ACSL1: variants seen among roughly 807,000 people sequenced by gnomAD.
ACSL1 encodes the protein acyl-CoA synthetase long chain family member 1.
ACSL1 carries 41 observed loss-of-function variants against 98.4 expected under a neutral mutation model. The observed-to-expected ratio is 0.42, with a 90% CI of 0.32 to 0.54. The LOEUF (loss-of-function observed/expected upper bound fraction) is 0.54. Ranked by LOEUF, ACSL1 falls within the 20% of genes least tolerant of loss-of-function variation. ACSL1 has a pLI of 0.13. For missense variants in ACSL1, 734 were observed against 883.1 expected, an observed-to-expected ratio of 0.83 and a Z score of 2.14; for synonymous variants, 316 against 322.7, an observed-to-expected ratio of 0.98 and a Z score of 0.22.
rs1762055110 is a variant in ACSL1, at chr4:184,755,641, T to A, written c.*1484A>T. 1 of 152,706 alleles carries A rather than the reference T, an allele frequency of 6.5e-6. No homozygotes were observed. Among genetic ancestry groups the A allele is most frequent in the African/African-American group, 2.4e-5 (1 of 41,474 alleles). The allele number at this position is 152,706 out of a possible 1,614,324, so 9.5% of individuals were successfully genotyped here. A position where few individuals can be genotyped will look rare whatever the true frequency, so the allele number is the denominator to read the frequency against. The stretch of plus-strand genomic sequence containing the variant: ...TTATTTTGGTTTCCTTCATTGTTTT[T>A]GGAAATTTTGTTTTGGTTTATAAAA... On this transcript the variant is annotated 3_prime_UTR_variant, in exon 21 of 21. Transcript: ENST00000281455.
Position 184,788,561 on chromosome 4 carries a change from T to A in ACSL1, c.310+56A>T, listed in dbSNP as rs1417849651. ...CAAATGTGCATTTCTGAAAGGCCACTCGTTCTTCATGAAACACGGCGAGCG... is the reference window on the plus strand; with the variant it reads ...CAAATGTGCATTTCTGAAAGGCCACACGTTCTTCATGAAACACGGCGAGCG... On this transcript the variant is annotated intron_variant, in intron 3 of 20. Transcript: ENST00000281455. 4 of 1,390,684 alleles carry A rather than the reference T, an allele frequency of 2.9e-6. No homozygotes were observed. The South Asian group carries it at 3.5e-5, about 12-fold the overall frequency. 86.1% of individuals were successfully genotyped at this position (1,390,684 alleles called of 1,614,324 possible).
intron 1 of ACSL1, among the ~76,000 whole-genome samples, chr4:184,824,207 C>T (rs1344197934): frequency 6.6e-6 from 1 of 152,200 alleles, no homozygotes; most frequent in Non-Finnish European, 1.5e-5. Flanking sequence ...CTCATCACAA[C>T]TTCTGCCTCC....
chr4:184,780,179 T>C (rs574774277), intron 5 of ACSL1, among the ~76,000 whole-genome samples, 153 bp downstream of exon 5: 6 of 152,318 alleles, frequency 3.9e-5, no homozygotes, highest in Non-Finnish European at 7.3e-5. Flanking sequence ...GCGGCCCTGG[T>C]TGAGGTTTTC....
At chr4:184,822,640 G>GA (rs765540937) in intron 1 of ACSL1, among the ~76,000 whole-genome samples, 6 of 152,142 alleles carry the variant, frequency 3.9e-5, no homozygotes, top group Non-Finnish European at 5.9e-5. Context: ...TGGAGAGGCT[G>GA]AAGTGGGAGG....
At chr4:184,819,313 T>C (rs1772877517) in intron 1 of ACSL1, among the ~76,000 whole-genome samples, 1 of 151,874 alleles carries the variant, frequency 6.6e-6, no homozygotes, top group Admixed American at 6.6e-5. Flanking sequence ...TGGCTAATTT[T>C]TGTATTTTTA....
At chr4:184,823,083 G>C (rs1459366317) in intron 1 of ACSL1, among the ~76,000 whole-genome samples, 1 of 152,198 alleles carries the variant, frequency 6.6e-6, no homozygotes, top group Non-Finnish European at 1.5e-5. Flanking sequence ...TGGCCACTGA[G>C]AATTCTTCTC....
At chr4:184,801,840 T>C (rs946308056) in intron 2 of ACSL1, among the ~76,000 whole-genome samples, 1 of 152,272 alleles carries the variant, frequency 6.6e-6, no homozygotes, top group African/African-American at 2.4e-5. Flanking sequence ...ACAATGCCTT[T>C]ATGCTAAGCT....
At chr4:184,817,621 A>T (rs906827399) in intron 1 of ACSL1, among the ~76,000 whole-genome samples, 2 of 152,092 alleles carry the variant, frequency 1.3e-5, no homozygotes, top group Admixed American at 1.3e-4. Flanking sequence ...GCACCCTGAA[A>T]TGCGTGCCAC....
intron 1 of ACSL1, among the ~76,000 whole-genome samples, chr4:184,811,968 T>C (rs949725520): frequency 2.0e-5 from 3 of 152,112 alleles, no homozygotes; most frequent in Non-Finnish European, 4.4e-5. Context: ...GAGGGTGATT[T>C]GTGAGCAACC....
chr4:184,815,709 C>T (rs1010026383), intron 1 of ACSL1, among the ~76,000 whole-genome samples: 1 of 152,130 alleles, frequency 6.6e-6, no homozygotes, highest in African/African-American at 2.4e-5. Context: ...GGTGAGAAGA[C>T]AGGACACAAA....
chr4:184,785,425 T>C (rs1767045796), intron 3 of ACSL1, among the ~76,000 whole-genome samples: 1 of 152,164 alleles, frequency 6.6e-6, no homozygotes, highest in Admixed American at 6.5e-5. Context: ...TCTTTATAAA[T>C]GGCTTCCTTG....
chr4:184,781,702 G>A (rs981353570), intron 4 of ACSL1, among the ~76,000 whole-genome samples: 5 of 151,596 alleles, frequency 3.3e-5, no homozygotes, highest in Non-Finnish European at 5.9e-5. Flanking sequence ...TCCTCCTCAC[G>A]GGTTCAAGAA....
intron 11 of ACSL1, 175 bp downstream of exon 11, chr4:184,770,224 A>G (rs1764278588): frequency 6.5e-7 from 1 of 1,527,726 alleles, no homozygotes; most frequent in South Asian, 1.2e-5. Context: ...AGAATTCTCT[A>G]TAGGGATGAC....
intron 2 of ACSL1, among the ~76,000 whole-genome samples, chr4:184,801,520 T>C (rs1379047633): frequency 6.6e-6 from 1 of 152,216 alleles, no homozygotes; most frequent in East Asian, 1.9e-4. Flanking sequence ...CAAGTTCCTC[T>C]TTCCCTGCCC....
At chr4:184,802,911 GC>G (rs1250285346) in intron 2 of ACSL1, among the ~76,000 whole-genome samples, 1 of 152,176 alleles carries the variant, frequency 6.6e-6, no homozygotes, top group African/African-American at 2.4e-5. Context: ...TATGTTCTAA[GC>G]GTCAGATGTA....
At chr4:184,800,400 G>A (rs549635305) in intron 2 of ACSL1, among the ~76,000 whole-genome samples, 8 of 152,244 alleles carry the variant, frequency 5.3e-5, no homozygotes, top group East Asian at 3.9e-4. Context: ...CGACCAATCC[G>A]AAAAGGTTTC....
rs201171010 is a variant in ACSL1 at position 184,788,597 on chromosome 4, A to G, written c.310+20T>C. 10 of 1,591,942 alleles carry G rather than the reference A, an allele frequency of 6.3e-6. No homozygotes were observed. The highest frequency in any genetic ancestry group is 3.3e-5 in the Admixed American group (2 of 59,982). ...GAAACACGGCGAGCGGGAGCCACGC[A>G]AATGCAGGAAAATGCTTACTTGACA... On this transcript the variant is annotated intron_variant, in intron 3 of 20. Coordinates refer to ENST00000281455, the MANE Select transcript of ACSL1 (RefSeq NM_001995.5).
At chr4:184,768,111 G>T in intron 12 of ACSL1, 1 of 529,814 alleles carries the variant, frequency 1.9e-6, no homozygotes. Flanking sequence ...TACAAAGTGT[G>T]TTCATGCATT....
rs1447939584 is a variant in ACSL1, at chr4:184,825,586, G to C, written c.-33+330C>G. ...AAGCGCGGCCTCCGGCTGCTTCGCC[G>C]GGCCGGTCCCCGCCGCCGCACACAC... On this transcript the variant is annotated intron_variant, in intron 1 of 20. Transcript: ENST00000281455. The surrounding 1 kb of genome is among the most constrained non-coding windows in gnomAD (Gnocchi z 4.7). Among the ~76,000 whole-genome samples, 1 of 151,258 alleles carries C rather than the reference G, an allele frequency of 6.6e-6. No individual in the cohort carries two copies. The highest frequency in any genetic ancestry group is 1.5e-5 in the Non-Finnish European group (1 of 67,750).
Sources: gnomAD v4.1 joint callset for allele counts (sites outside exome capture counted in the v4.1 genomes callset) on GRCh38, gnomAD v4.1.1 for gene constraint, Gnocchi (gnomAD v3.1) non-coding constraint, MANE v1.5 for transcripts, NCBI Gene and HGNC (gene_info 2026-07-23, HGNC 2026-07-21) for gene names.